OTOG: variants seen among roughly 807,000 people sequenced by gnomAD.
OTOG encodes otogelin.
A neutral mutation model predicts 313.8 loss-of-function variants in OTOG; 296 were observed. The observed-to-expected ratio is 0.94, with a 90% CI of 0.86 to 1.04. The LOEUF is 1.04. Ranked by LOEUF, OTOG falls within the 50% of genes least tolerant of loss-of-function variation. The probability of loss-of-function intolerance (pLI) is 0.00; values close to 1 mark genes in which losing one functional copy is unlikely to be tolerated. For missense variants in OTOG, 3,948 were observed against 3,840.1 expected (o/e 1.03, Z -0.74); for synonymous variants, 1,533 against 1,554.9 (o/e 0.99, Z 0.33).
At chr11:17,548,932 T>C (rs959915917) in intron 3 of OTOG, among the ~76,000 whole-genome samples, 1 of 152,134 alleles carries the variant, frequency 6.6e-6, no homozygotes, top group African/African-American at 2.4e-5. Flanking sequence ...TTGCCCAGGC[T>C]GGTCTTGAAC....
chr11:17,608,211 C>A, intron 33 of OTOG, 85 bp from the exon 34 acceptor site: 1 of 920,400 alleles, frequency 1.1e-6, no homozygotes, highest in Non-Finnish European at 1.6e-6. Context: ...TTGTCCCCTC[C>A]ACAGGATGGG....
intron 24 of OTOG, among the ~76,000 whole-genome samples, chr11:17,588,029 A>G (rs550327428): frequency 6.6e-6 from 1 of 152,260 alleles, no homozygotes; most frequent in East Asian, 1.9e-4. Context: ...AATCAGATCC[A>G]AGGCAGAGGT....
At chr11:17,608,082 T>G (rs1465292676) in intron 33 of OTOG, among the ~76,000 whole-genome samples, 1 of 152,160 alleles carries the variant, frequency 6.6e-6, no homozygotes, top group African/African-American at 2.4e-5. Flanking sequence ...TCCTCAGTCC[T>G]GCATTCAGCT....
intron 32 of OTOG, among the ~76,000 whole-genome samples, chr11:17,603,470 C>T (rs183287549): frequency 1.3e-5 from 2 of 152,244 alleles, no homozygotes; most frequent in East Asian, 3.9e-4. Context: ...GGTTTATGGG[C>T]ATGCTAAGCA....
At position 17,559,200 on chromosome 11, in the gene OTOG, G is replaced by A. The variant is rs754844185; in HGVS notation, c.1213+39G>A. 2.1e-6 allele frequency: 3 copies of A among 1,414,016 alleles called. No homozygotes were observed. The Admixed American group carries it at 6.1e-5, about 29-fold the overall frequency. The allele number at this position is 1,414,016 out of a possible 1,614,324, so 87.6% of individuals were successfully genotyped here. On this transcript the variant is annotated intron_variant, in intron 11 of 55. Coordinates refer to ENST00000399397, the MANE Select transcript of OTOG (RefSeq NM_001292063.2). ...AGTAGTGGGGCAGGGAGGCCTTCAGGCTGTGGGTGGCATTCTCAGGCCTCA... is the reference window on the plus strand; with the variant it reads ...AGTAGTGGGGCAGGGAGGCCTTCAGACTGTGGGTGGCATTCTCAGGCCTCA...
chr11:17,643,044 GA>G (rs144591849), intron 53 of OTOG, among the ~76,000 whole-genome samples: 145 of 152,338 alleles, frequency 9.5e-4, no homozygotes, highest in African/African-American at 3.2e-3. Context: ...CCATTTTAGA[GA>G]TGGGAAAATT....
At chr11:17,628,436 T>C (rs563637152) in intron 39 of OTOG, among the ~76,000 whole-genome samples, 1 of 152,224 alleles carries the variant, frequency 6.6e-6, no homozygotes, top group African/African-American at 2.4e-5. Context: ...GTAAAACTAT[T>C]GTAATAACCC....
intron 6 of OTOG, among the ~76,000 whole-genome samples, chr11:17,555,202 C>CAGA (rs1852027036): frequency 1.9e-5 from 2 of 107,410 alleles, no homozygotes; most frequent in South Asian, 5.8e-4. Context: ...ATGGCGGGGG[C>CAGA]AGAGATGTGT....
chr11:17,604,469 A>G (rs1473521131), intron 32 of OTOG, among the ~76,000 whole-genome samples: 1 of 152,194 alleles, frequency 6.6e-6, no homozygotes, highest in African/African-American at 2.4e-5. Context: ...GGGGCCAGCC[A>G]TGTGGTGGTG....
chr11:17,549,380 C>T (rs1414538920), intron 3 of OTOG, among the ~76,000 whole-genome samples: 1 of 152,176 alleles, frequency 6.6e-6, no homozygotes, highest in Non-Finnish European at 1.5e-5. Flanking sequence ...ATGAAGACCC[C>T]AAGGTGGAGT....
chr11:17,631,819 C>T lies in OTOG; in HGVS notation c.6830C>T (p.Ser2277Leu). Reference protein sequence around the residue: ...DSWQVPSSLTSVGQTRFRPDS... With the variant: ...DSWQVPSSLTLVGQTRFRPDS... The stretch of plus-strand genomic sequence containing the variant: ...TGGCAGGTGCCCAGCTCCCTGACCT[C>T]AGTGGGCCAGACCCGCTTCCGCCCA... Residue 2277 changes from serine to leucine, a missense_variant, in exon 41 of 56, where the codon TCA becomes TTA. By Grantham distance (145) the Ser-to-Leu change is moderately radical. Coordinates refer to ENST00000399397, the MANE Select transcript of OTOG (RefSeq NM_001292063.2). The T allele has an allele frequency of 6.4e-7, 1 of 1,550,626 alleles. No individual in the cohort carries two copies.
chr11:17,592,084 T>A (rs734641), intron 25 of OTOG, among the ~76,000 whole-genome samples: 20,670 of 152,052 alleles, frequency 0.14, 1,597 homozygotes, highest in East Asian at 0.2. Flanking sequence ...GGAGAGTTGG[T>A]GTGCTTAAAG....
At chr11:17,616,280 C>T (rs1462267876) in intron 39 of OTOG, among the ~76,000 whole-genome samples, 6 of 152,156 alleles carry the variant, frequency 3.9e-5, no homozygotes, top group African/African-American at 9.7e-5. Context: ...TGGTCTCAAA[C>T]TCCTGGCCTC....
intron 23 of OTOG, among the ~76,000 whole-genome samples, chr11:17,585,705 A>G (rs1852777820): frequency 6.6e-6 from 1 of 152,172 alleles, no homozygotes; most frequent in East Asian, 1.9e-4. Flanking sequence ...GGGTTCCATC[A>G]TCCTGTACTA....
Position 17,634,835 on chromosome 11 carries a change from C to T in OTOG, c.7481-9C>T, listed in dbSNP as rs776528215. On this transcript the variant is annotated splice_polypyrimidine_tract_variant and intron_variant, in intron 44 of 55. Transcript: ENST00000399397. Reference sequence around the variant, plus strand: ...CCGAGGTGACAGGCCCTGTGGTCCCCGGGGCCAGTGTGTAACCAGACTCTG... The same window carrying T: ...CCGAGGTGACAGGCCCTGTGGTCCCTGGGGCCAGTGTGTAACCAGACTCTG... 2.2e-5 allele frequency: 34 copies of T among 1,546,768 alleles called. No homozygotes were observed. Among genetic ancestry groups the T allele is most frequent in the South Asian group, 2.1e-4 (18 of 83,884 alleles).
At chr11:17,561,533 A>G in intron 14 of OTOG, 129 bp from the exon 15 acceptor site, 1 of 975,230 alleles carries the variant, frequency 1.0e-6, no homozygotes, top group Non-Finnish European at 1.5e-6. Flanking sequence ...CTCAGGGGCC[A>G]GGCCTCATTC....
chr11:17,641,778 A>T (rs1263718935), intron 51 of OTOG, 69 bp from the exon 52 acceptor site: 2 of 1,159,374 alleles, frequency 1.7e-6, no homozygotes, highest in Middle Eastern at 1.9e-4. Flanking sequence ...CCTCACAGAT[A>T]ACCAGGCAGT....
rs1332747530 is a variant in OTOG, at chr11:17,553,099, ACT to A, written c.293-17_293-16del. The A allele has an allele frequency of 1.3e-6, 2 of 1,549,182 alleles. No homozygotes were observed. Among genetic ancestry groups the A allele is most frequent in the Non-Finnish European group, 1.7e-6 (2 of 1,146,346 alleles). ...CCAATCTCAGCTTGATGGGGCAATG[ACT>A]CTGTGTCTCCCATGCAGACTTGTTC... On this transcript the variant is annotated intron_variant, in intron 4 of 55. Transcript: ENST00000399397.
intron 4 of OTOG, 51 bp downstream of exon 4, chr11:17,552,126 G>A (rs1592059535): frequency 1.3e-6 from 2 of 1,521,194 alleles, no homozygotes; most frequent in Non-Finnish European, 1.8e-6. Flanking sequence ...GAGAGCCCTG[G>A]CAGAGGCCTG....
Sources: gnomAD v4.1 joint callset for allele counts (sites outside exome capture counted in the v4.1 genomes callset) on GRCh38, gnomAD v4.1.1 for gene constraint, MANE v1.5 for transcripts, NCBI Gene and HGNC (gene_info 2026-07-23, HGNC 2026-07-21) for gene names.